CTNNA3: variants seen among roughly 807,000 people sequenced by gnomAD.
CTNNA3 encodes the protein catenin alpha 3, also known as catenin alpha-3.
Under a neutral mutation model 95.7 loss-of-function variants are expected in CTNNA3, and 76 were observed. The ratio of observed to expected loss-of-function variants is 0.79; its 90% CI spans 0.66 to 0.96. CTNNA3 has a LOEUF of 0.96. CTNNA3 is among the 40% of genes least tolerant of loss of function. The pLI is 0.00. For synonymous variants in CTNNA3, 431 were observed against 374.4 expected, an observed-to-expected ratio of 1.15 and a Z score of -1.74; for missense variants, 1,191 against 1,089.8, an observed-to-expected ratio of 1.09 and a Z score of -1.31.
At chr10:66,556,222 G>A (rs1009926326) in intron 10 of CTNNA3, among the ~76,000 whole-genome samples, 12 of 152,050 alleles carry the variant, frequency 7.9e-5, no homozygotes, top group African/African-American at 2.6e-4. Flanking sequence ...ATAAGTGTTG[G>A]CAAGGGTGAG....
intron 13 of CTNNA3, among the ~76,000 whole-genome samples, chr10:66,127,952 A>G (rs145080774): frequency 2.4e-4 from 36 of 152,160 alleles, no homozygotes; most frequent in African/African-American, 8.4e-4. Context: ...GACGCCTGTA[A>G]TCCCAGCTAC....
intron 6 of CTNNA3, among the ~76,000 whole-genome samples, chr10:67,195,772 C>T (rs918598649): frequency 2.0e-5 from 3 of 152,052 alleles, no homozygotes; most frequent in Non-Finnish European, 2.9e-5. Context: ...CAGTCTTAAA[C>T]AAGCTGAAGC....
intron 10 of CTNNA3, among the ~76,000 whole-genome samples, chr10:66,548,794 A>T (rs571102544): frequency 6.6e-6 from 1 of 152,092 alleles, no homozygotes; most frequent in East Asian, 1.9e-4. Context: ...CTTATAATAC[A>T]TTTTTAAATG....
chr10:67,497,160 C>T (rs759161174), intron 5 of CTNNA3, among the ~76,000 whole-genome samples: 2 of 152,156 alleles, frequency 1.3e-5, no homozygotes, highest in African/African-American at 4.8e-5. Flanking sequence ...TCAATTCCTA[C>T]TTAGGAGTGA....
intron 1 of CTNNA3, among the ~76,000 whole-genome samples, chr10:67,731,617 A>T (rs1409223934): frequency 6.6e-6 from 1 of 151,986 alleles, no homozygotes; most frequent in Non-Finnish European, 1.5e-5. Flanking sequence ...CCTGGCTAAC[A>T]CGGTGAAACC....
rs567400867 is a variant in CTNNA3 at position 66,333,524 on chromosome 10, T to C, written c.1732+45628A>G. Among the ~76,000 whole-genome samples, 3 of 152,238 alleles carry C rather than the reference T, an allele frequency of 2.0e-5. No individual in the cohort carries two copies. In the East Asian group the frequency reaches 5.8e-4, roughly 29 times the overall value. ...TCAGGAGCAGGTTGTTTAGTTTCCA[T>C]GTAGTTGAGTGGTTTTGAGTGAGTT... On this transcript the variant is annotated intron_variant, in intron 12 of 17. Coordinates refer to ENST00000433211, the MANE Select transcript of CTNNA3 (RefSeq NM_013266.4).
At chr10:67,511,414 A>C (rs2133130030) in intron 5 of CTNNA3, among the ~76,000 whole-genome samples, 1 of 152,284 alleles carries the variant, frequency 6.6e-6, no homozygotes, top group South Asian at 2.1e-4. Context: ...AAGGCTGTTG[A>C]ATTTTGTTGA....
intron 5 of CTNNA3, among the ~76,000 whole-genome samples, chr10:67,246,719 G>T (rs552365132): frequency 1.3e-5 from 2 of 152,232 alleles, no homozygotes; most frequent in East Asian, 3.9e-4. Context: ...ACACTTAAAG[G>T]TATGAGACAT....
intron 11 of CTNNA3, among the ~76,000 whole-genome samples, chr10:66,462,603 T>G: frequency 6.6e-6 from 1 of 152,134 alleles, no homozygotes; most frequent in African/African-American, 2.4e-5. Context: ...CTGACAATGA[T>G]ACTAAAAATA....
intron 13 of CTNNA3, among the ~76,000 whole-genome samples, chr10:66,204,145 A>C (rs2087609851): frequency 6.6e-6 from 1 of 152,174 alleles, no homozygotes; most frequent in Non-Finnish European, 1.5e-5. Context: ...TTCTTCTAAA[A>C]TAGTTGTTTT....
chr10:67,381,823 A>T (rs976857189), intron 5 of CTNNA3, among the ~76,000 whole-genome samples: 1 of 152,184 alleles, frequency 6.6e-6, no homozygotes, highest in South Asian at 2.1e-4. Flanking sequence ...CCTTTCTGAC[A>T]GGTGAAGCCC....
intron 5 of CTNNA3, among the ~76,000 whole-genome samples, chr10:67,476,940 T>C (rs1316878701): frequency 6.6e-6 from 1 of 151,862 alleles, no homozygotes; most frequent in Non-Finnish European, 1.5e-5. Context: ...CTCAGCATCC[T>C]GAGCCGCCTC....
At chr10:67,224,355 G>C (rs778934851) in intron 5 of CTNNA3, among the ~76,000 whole-genome samples, 3 of 152,102 alleles carry the variant, frequency 2.0e-5, no homozygotes, top group Non-Finnish European at 4.4e-5. Flanking sequence ...ATCTTTCTGT[G>C]CCGGGCTTAT....
chr10:67,148,408 G>A (rs565544923), intron 7 of CTNNA3, among the ~76,000 whole-genome samples: 19 of 152,288 alleles, frequency 1.2e-4, no homozygotes, highest in African/African-American at 3.6e-4. Flanking sequence ...CCAGTGTCTC[G>A]TAGAGGGAAG....
At chr10:66,840,417 G>A (rs1281260167) in intron 7 of CTNNA3, among the ~76,000 whole-genome samples, 5 of 128,674 alleles carry the variant, frequency 3.9e-5, no homozygotes, top group Non-Finnish European at 6.4e-5. Flanking sequence ...CACACCCCTC[G>A]GTATAGGTTG....
chr10:66,103,358 C>T lies in CTNNA3; in HGVS notation c.1885-109G>A, dbSNP rs531107953. 4 of 781,146 alleles carry T rather than the reference C, an allele frequency of 5.1e-6. No individual in the cohort carries two copies. In the East Asian group the frequency reaches 1.0e-4, roughly 20 times the overall value. 48.4% of individuals were successfully genotyped at this position (781,146 alleles called of 1,614,324 possible). A position where few individuals can be genotyped will look rare whatever the true frequency, so the allele number is the denominator to read the frequency against. Reference sequence around the variant, plus strand: ...GTAATCATAAAGTTACCATATGACCCAGCAATTTCACTCCCAGTTATATAC... The same window carrying T: ...GTAATCATAAAGTTACCATATGACCTAGCAATTTCACTCCCAGTTATATAC... On this transcript the variant is annotated intron_variant, in intron 13 of 17. Coordinates refer to ENST00000433211, the MANE Select transcript of CTNNA3 (RefSeq NM_013266.4).
intron 17 of CTNNA3, among the ~76,000 whole-genome samples, chr10:65,952,166 A>G (rs2077631141): frequency 6.6e-6 from 1 of 152,244 alleles, no homozygotes; most frequent in Admixed American, 6.5e-5. Flanking sequence ...GCACAATCAA[A>G]AAGAAAATCC....
chr10:66,698,168 C>T (rs537369204), intron 9 of CTNNA3, among the ~76,000 whole-genome samples: 33 of 152,264 alleles, frequency 2.2e-4, no homozygotes, highest in Admixed American at 9.2e-4. Context: ...AACAGATGCA[C>T]ATATGTTCTT....
chr10:67,615,251 G>A (rs1843610569), intron 2 of CTNNA3, among the ~76,000 whole-genome samples: 1 of 152,158 alleles, frequency 6.6e-6, no homozygotes, highest in South Asian at 2.1e-4. Flanking sequence ...GAACTATTGA[G>A]GGACAGTAAC....
Sources: allele counts gnomAD v4.1 joint callset (sites outside exome capture counted in the v4.1 genomes callset), GRCh38; gene constraint gnomAD v4.1.1; transcripts MANE v1.5; gene names NCBI Gene and HGNC (gene_info 2026-07-23, HGNC 2026-07-21).